The following CNGA1 variants were observed in gnomAD, a reference collection of about 807,000 sequenced individuals.
The protein encoded by CNGA1 is cyclic nucleotide gated channel subunit alpha 1.
CNGA1 carries 53 observed loss-of-function variants against 69.7 expected under a neutral mutation model. That is an observed-to-expected ratio of 0.76 (90% CI 0.61 to 0.96). The LOEUF is 0.96. Among genes scored for constraint, CNGA1 ranks in the 40% least tolerant of loss-of-function variants. The probability of loss-of-function intolerance (pLI) is 0.00; values close to 1 mark genes in which losing one functional copy is unlikely to be tolerated. For synonymous variants in CNGA1, 249 were observed against 283.5 expected, an observed-to-expected ratio of 0.88 and a Z score of 1.22; for missense variants, 739 against 811.2, an observed-to-expected ratio of 0.91 and a Z score of 1.08.
chr4:47,937,899 G>C (rs1375986059), intron 10 of CNGA1, 70 bp from the exon 11 acceptor site: 1 of 1,197,604 alleles, frequency 8.4e-7, no homozygotes, highest in Non-Finnish European at 1.2e-6. Flanking sequence ...GTGAATAACT[G>C]TCAATTAACT....
chr4:47,977,244 T>C (rs1055345857), intron 3 of CNGA1, among the ~76,000 whole-genome samples: 1 of 152,108 alleles, frequency 6.6e-6, no homozygotes, highest in Non-Finnish European at 1.5e-5. Context: ...ATCTGACTGG[T>C]GTCCTTATAA....
intron 10 of CNGA1, among the ~76,000 whole-genome samples, chr4:47,938,627 G>A (rs1171621900): frequency 6.6e-6 from 1 of 152,000 alleles, no homozygotes; most frequent in Non-Finnish European, 1.5e-5. Context: ...TCCTGACCTC[G>A]TGATCCACCT....
chr4:48,008,509 T>G (rs1475105991), intron 2 of CNGA1, among the ~76,000 whole-genome samples: 4 of 152,212 alleles, frequency 2.6e-5, no homozygotes, highest in African/African-American at 7.2e-5. Context: ...AGAAAGAATG[T>G]TTTCCTACAA....
chr4:48,014,725 A>G (rs957270546), intron 1 of CNGA1, among the ~76,000 whole-genome samples: 3 of 152,260 alleles, frequency 2.0e-5, no homozygotes, highest in Non-Finnish European at 4.4e-5. Flanking sequence ...AAATATTTAC[A>G]AAGAGATTAG....
At chr4:47,985,281 TG>T (rs1221401684) in intron 2 of CNGA1, among the ~76,000 whole-genome samples, 1 of 152,232 alleles carries the variant, frequency 6.6e-6, no homozygotes, top group Non-Finnish European at 1.5e-5. Context: ...TAAATTTACA[TG>T]GTTTCTTTTT....
At chr4:48,001,863 T>C (rs186049750) in intron 2 of CNGA1, among the ~76,000 whole-genome samples, 1 of 152,318 alleles carries the variant, frequency 6.6e-6, no homozygotes, top group East Asian at 1.9e-4. Context: ...AGGATTAAAC[T>C]GATAACCAAT....
In CNGA1 at chr4:47,967,316, AC is replaced by A. The variant is rs1050916891; in HGVS notation, c.-15+14076del. The stretch of plus-strand genomic sequence containing the variant: ...AGATTCTGTCTCAAAAAACAAAAAA[AC>A]AAAACAAAAAAAAAGAAACTACAGT... On this transcript the variant is annotated intron_variant, in intron 3 of 10. Coordinates refer to ENST00000514170, the MANE Select transcript of CNGA1 (RefSeq NM_001379270.1). 6.6e-5 allele frequency among the ~76,000 whole-genome samples: 10 copies of A among 152,178 alleles called. No individual in the cohort carries two copies. In the East Asian group the frequency reaches 1.2e-3, roughly 18 times the overall value.
chr4:47,977,828 A>ATTTTTTT (rs11415776), intron 3 of CNGA1, among the ~76,000 whole-genome samples: 1 of 148,526 alleles, frequency 6.7e-6, no homozygotes, highest in Non-Finnish European at 1.5e-5. Flanking sequence ...CATTTAAGTG[A>ATTTTTTT]TTTTTTTTTT....
At chr4:47,960,191 A>T (rs1740345922) in intron 3 of CNGA1, among the ~76,000 whole-genome samples, 1 of 152,184 alleles carries the variant, frequency 6.6e-6, no homozygotes, top group African/African-American at 2.4e-5. Flanking sequence ...TCAACAAATA[A>T]ATGCAAATTA....
rs1298298163 is a variant in CNGA1 at position 47,937,140 on chromosome 4, C to G, written c.1342G>C (p.Glu448Gln). Residue 448 changes from glutamate (E) to glutamine (Q), a missense_variant, in exon 11 of 11, where the codon GAA becomes CAA. Glu to Gln is a conservative substitution (Grantham distance 29). Transcript: ENST00000514170. Reference protein sequence around the residue: ...WTNKKTVDEKEVLKYLPDKLR... With the variant: ...WTNKKTVDEKQVLKYLPDKLR... The stretch of plus-strand genomic sequence containing the variant: ...TTATCAGGTAGATACTTTAAGACTT[C>G]TTTCTCATCAACTGTTTTTTTGTTG... 2 of 1,614,150 alleles carry G rather than the reference C, an allele frequency of 1.2e-6. No individual in the cohort carries two copies. The highest frequency in any genetic ancestry group is 1.7e-5 in the Admixed American group (1 of 60,024).
intron 8 of CNGA1, chr4:47,942,950 G>A (rs931607397): frequency 1.3e-5 from 5 of 380,128 alleles, no homozygotes. Flanking sequence ...AAATTCTTGA[G>A]AGAATTAAGA....
At chr4:47,989,027 T>A (rs1161346254) in intron 2 of CNGA1, among the ~76,000 whole-genome samples, 2 of 152,128 alleles carry the variant, frequency 1.3e-5, no homozygotes, top group African/African-American at 2.4e-5. Flanking sequence ...CAAGGGAGTG[T>A]TCATTAGATC....
intron 2 of CNGA1, among the ~76,000 whole-genome samples, chr4:47,986,221 A>G (rs1741973090): frequency 1.3e-5 from 2 of 152,304 alleles, no homozygotes; most frequent in South Asian, 4.1e-4. Flanking sequence ...CAGCCTGGTC[A>G]CTATGGTGAA....
chr4:47,965,070 A>C (rs1446283759), intron 3 of CNGA1, among the ~76,000 whole-genome samples: 1 of 152,138 alleles, frequency 6.6e-6, no homozygotes, highest in East Asian at 1.9e-4. Context: ...TTTAGTTTTA[A>C]TGTCTAATTG....
intron 3 of CNGA1, among the ~76,000 whole-genome samples, chr4:47,980,337 C>G (rs531003246): frequency 6.6e-6 from 1 of 152,084 alleles, no homozygotes; most frequent in Non-Finnish European, 1.5e-5. Context: ...TAAGACTGTT[C>G]AACTTTCCAA....
chr4:47,997,178 T>G (rs535504565), intron 2 of CNGA1, among the ~76,000 whole-genome samples: 1 of 152,190 alleles, frequency 6.6e-6, no homozygotes. Context: ...TTATTACCCT[T>G]CCCCAAAACT....
At chr4:47,986,432 T>A (rs939387827) in intron 2 of CNGA1, among the ~76,000 whole-genome samples, 6 of 152,078 alleles carry the variant, frequency 3.9e-5, no homozygotes, top group African/African-American at 1.4e-4. Flanking sequence ...GCCATTTTTA[T>A]ACCTTGTTTC....
intron 10 of CNGA1, among the ~76,000 whole-genome samples, chr4:47,938,898 T>C (rs1354105588): frequency 6.8e-6 from 1 of 147,078 alleles, no homozygotes; most frequent in Non-Finnish European, 1.5e-5. Flanking sequence ...GTCTCTATGA[T>C]ATTATTTGAA....
intron 2 of CNGA1, among the ~76,000 whole-genome samples, chr4:47,984,408 A>G (rs1741883293): frequency 6.6e-6 from 1 of 152,096 alleles, no homozygotes; most frequent in Non-Finnish European, 1.5e-5. Flanking sequence ...ACACAAGGTC[A>G]GAATTTTGAG....
Sources: allele counts gnomAD v4.1 joint callset (sites outside exome capture counted in the v4.1 genomes callset), GRCh38; gene constraint gnomAD v4.1.1; transcripts MANE v1.5; gene names NCBI Gene and HGNC (gene_info 2026-07-23, HGNC 2026-07-21).